The following ZFHX3 variants were observed in gnomAD, a reference collection of about 807,000 sequenced individuals.
The protein encoded by ZFHX3 is zinc finger homeobox 3, also known as zinc finger homeobox protein 3.
In ZFHX3, 42 loss-of-function variants were observed where a neutral mutation model predicts 279.1. The observed-to-expected ratio is 0.15, with a 90% CI of 0.12 to 0.19. The LOEUF (loss-of-function observed/expected upper bound fraction) is 0.19, where lower values mean the gene tolerates loss of function less well. ZFHX3 is among the 10% of genes least tolerant of loss of function. ZFHX3 has a pLI of 1.00. For synonymous variants in ZFHX3, 2,293 were observed against 1,957.8 expected (o/e 1.17, Z -4.52); for missense variants, 4,981 against 4,754.0 (o/e 1.05, Z -1.40).
intron 2 of ZFHX3, among the ~76,000 whole-genome samples, chr16:73,542,472 T>C (rs2020035825): frequency 6.6e-6 from 1 of 152,326 alleles, no homozygotes; most frequent in Non-Finnish European, 1.5e-5. Flanking sequence ...CCAGGTGGAA[T>C]GAGATGACTC....
At chr16:72,904,222 C>T (rs939218417) in intron 3 of ZFHX3, among the ~76,000 whole-genome samples, 13 of 151,832 alleles carry the variant, frequency 8.6e-5, no homozygotes, top group Admixed American at 6.6e-4. Context: ...AAAAATTAGC[C>T]GGGCGTGGTG....
At chr16:73,633,470 G>A (rs927085035) in intron 2 of ZFHX3, among the ~76,000 whole-genome samples, 22 of 152,280 alleles carry the variant, frequency 1.4e-4, no homozygotes, top group East Asian at 3.9e-4. Context: ...CCCTCAGGCC[G>A]GGGTAATCTT....
chr16:73,504,836 T>G (rs1597361651), intron 2 of ZFHX3: 6 of 143,950 alleles, frequency 4.2e-5, no homozygotes, highest in East Asian at 2.0e-4. Context: ...GGAGTGGAGG[T>G]GGTAGGGGAA....
At chr16:73,276,913 C>A (rs1039562407) in intron 4 of ZFHX3, among the ~76,000 whole-genome samples, 1 of 152,212 alleles carries the variant, frequency 6.6e-6, no homozygotes, top group African/African-American at 2.4e-5. Flanking sequence ...TGCCATGTTC[C>A]TTTCTACCTT....
intron 3 of ZFHX3, among the ~76,000 whole-genome samples, chr16:73,343,538 A>G (rs2016073238): frequency 6.6e-6 from 1 of 152,212 alleles, no homozygotes; most frequent in African/African-American, 2.4e-5. Context: ...CAGTCTGGGC[A>G]ACATGGCAAG....
chr16:73,283,330 T>TG (rs2014504521), intron 4 of ZFHX3, among the ~76,000 whole-genome samples: 1 of 152,218 alleles, frequency 6.6e-6, no homozygotes, highest in African/African-American at 2.4e-5. Flanking sequence ...AAAAGGATGA[T>TG]GACCATCCCC....
At position 72,795,327 on chromosome 16, in the gene ZFHX3, G is replaced by A. The variant is rs771896227; in HGVS notation, c.7355C>T (p.Pro2452Leu). The change falls in exon 9 of 10, where the codon CCA becomes CTA. Residue 2452 changes from proline (P) to leucine (L), a missense_variant. Pro to Leu is a moderately conservative substitution (Grantham distance 98). Around this residue, in one of 7 missense-constraint regions of ZFHX3, gnomAD observed 744 missense variants for 701.3 expected, o/e 1.06. Coordinates refer to ENST00000268489, the MANE Select transcript of ZFHX3 (RefSeq NM_006885.4). ...GGGCTGCTCTTGCTGCTGCAGCTCT[G>A]GCTTTGGTTGTCCTTGCTTTTCTTG... is the stretch of plus-strand genomic sequence containing the variant. ...QTQEKQGQPKPELQQQEQPEQ... is the reference protein window; with the variant it reads ...QTQEKQGQPKLELQQQEQPEQ... 2 of 1,613,958 alleles carry A rather than the reference G, an allele frequency of 1.2e-6. No homozygotes were observed. The highest frequency in any genetic ancestry group is 8.5e-7 in the Non-Finnish European group (1 of 1,180,038).
chr16:73,026,689 A>AAAAAAAAAAAAAAAC (rs1555543115), intron 1 of ZFHX3, among the ~76,000 whole-genome samples: 5 of 150,832 alleles, frequency 3.3e-5, no homozygotes, highest in African/African-American at 1.2e-4. Context: ...AAAAAAAAAA[A>AAAAAAAAAAAAAAAC]AAAAAACACA....
At chr16:73,199,558 A>G (rs1383599793) in intron 5 of ZFHX3, among the ~76,000 whole-genome samples, 1 of 152,112 alleles carries the variant, frequency 6.6e-6, no homozygotes, top group Non-Finnish European at 1.5e-5. Flanking sequence ...GTACTATTTC[A>G]TTACTTATTG....
chr16:73,565,591 T>A (rs1165833970), intron 2 of ZFHX3, among the ~76,000 whole-genome samples: 2 of 152,230 alleles, frequency 1.3e-5, no homozygotes, highest in Non-Finnish European at 2.9e-5. Flanking sequence ...TTCCTCAGAC[T>A]CAGCTAGTCT....
chr16:73,453,829 T>C (rs1046241893), intron 3 of ZFHX3, among the ~76,000 whole-genome samples: 1 of 152,200 alleles, frequency 6.6e-6, no homozygotes, highest in Non-Finnish European at 1.5e-5. Flanking sequence ...GAAACACGTC[T>C]TTGTAAAACC....
intron 5 of ZFHX3, among the ~76,000 whole-genome samples, chr16:72,820,200 C>G (rs529010532): frequency 2.6e-5 from 4 of 152,294 alleles, no homozygotes; most frequent in African/African-American, 9.6e-5. Flanking sequence ...CTGGAAGCCT[C>G]AAGGTGGGAT....
At chr16:73,094,761 G>A (rs1447517530) in intron 7 of ZFHX3, among the ~76,000 whole-genome samples, 1 of 152,170 alleles carries the variant, frequency 6.6e-6, no homozygotes, top group African/African-American at 2.4e-5. Context: ...CCAGGCTGGA[G>A]TGCAGAGGTA....
At chr16:72,970,014 G>C (rs1009348434) in intron 1 of ZFHX3, among the ~76,000 whole-genome samples, 2 of 152,186 alleles carry the variant, frequency 1.3e-5, no homozygotes, top group African/African-American at 2.4e-5. Flanking sequence ...GCTAATAAGT[G>C]CATCTGTGCT....
intron 4 of ZFHX3, among the ~76,000 whole-genome samples, chr16:73,283,511 G>A (rs2014509084): frequency 6.6e-6 from 1 of 152,098 alleles, no homozygotes; most frequent in Non-Finnish European, 1.5e-5. Flanking sequence ...GCCCGCTACT[G>A]GGGGGACTAT....
chr16:73,808,630 T>G (rs1198955165), intron 1 of ZFHX3: 1 of 152,170 alleles, frequency 6.6e-6, no homozygotes, highest in East Asian at 1.9e-4. Context: ...GCATACATAA[T>G]GGGATGAGCC....
intron 3 of ZFHX3, among the ~76,000 whole-genome samples, chr16:73,436,674 C>T (rs148147903): frequency 1.1e-4 from 17 of 151,750 alleles, no homozygotes; most frequent in Admixed American, 4.6e-4. Context: ...ATGAATTCTG[C>T]TACCATCAAC....
chr16:73,288,955 CTTGT>C (rs2014702334), intron 4 of ZFHX3, among the ~76,000 whole-genome samples: 2 of 148,496 alleles, frequency 1.3e-5, no homozygotes, highest in Admixed American at 1.4e-4. Flanking sequence ...CTCTTTGTCT[CTTGT>C]TATACCTTTT....
intron 4 of ZFHX3, among the ~76,000 whole-genome samples, chr16:72,837,115 T>C (rs2037211927): frequency 6.6e-6 from 1 of 152,156 alleles, no homozygotes; most frequent in Admixed American, 6.5e-5. Flanking sequence ...ACCAAGTCAA[T>C]GGGACAGAGT....
Sources: gnomAD v4.1 joint callset for allele counts (sites outside exome capture counted in the v4.1 genomes callset) on GRCh38, gnomAD v4.1.1 for gene constraint, gnomAD v4.1.1 regional missense constraint, MANE v1.5 for transcripts, NCBI Gene and HGNC (gene_info 2026-07-23, HGNC 2026-07-21) for gene names.